Variants in CTNNA2 observed in about 807,000 individuals in gnomAD.
CTNNA2 encodes catenin alpha 2, also known as catenin alpha-2.
Under a neutral mutation model 101.0 loss-of-function variants are expected in CTNNA2, and 42 were observed. That is an observed-to-expected ratio of 0.42 (90% CI 0.32 to 0.54). The LOEUF (loss-of-function observed/expected upper bound fraction) is 0.54, where lower values mean the gene tolerates loss of function less well. CTNNA2 is among the 20% of genes least tolerant of loss of function. The pLI is 0.14. For synonymous variants in CTNNA2, 450 were observed against 456.4 expected, an observed-to-expected ratio of 0.99 and a Z score of 0.18; for missense variants, 871 against 1,223.1, an observed-to-expected ratio of 0.71 and a Z score of 4.29.
intron 4 of CTNNA2, among the ~76,000 whole-genome samples, chr2:79,387,376 G>C (rs188532363): frequency 3.9e-5 from 6 of 152,084 alleles, no homozygotes; most frequent in Non-Finnish European, 8.8e-5. Flanking sequence ...AGATTAGCTC[G>C]TCAGGGAATC....
At chr2:79,760,024 A>G (rs1485313307) in intron 3 of CTNNA2, among the ~76,000 whole-genome samples, 7 of 152,194 alleles carry the variant, frequency 4.6e-5, no homozygotes, top group Admixed American at 4.6e-4. Context: ...TTAAGAGTAC[A>G]GTTTACGGAA....
At chr2:80,431,096 T>C (rs1407550345) in intron 9 of CTNNA2, among the ~76,000 whole-genome samples, 6 of 152,274 alleles carry the variant, frequency 3.9e-5, no homozygotes, top group Non-Finnish European at 7.4e-5. Context: ...CTCTGAGGGA[T>C]TTTTAATGTC....
chr2:80,596,912 A>G (rs1261640546), intron 15 of CTNNA2, among the ~76,000 whole-genome samples: 1 of 152,136 alleles, frequency 6.6e-6, no homozygotes, highest in Non-Finnish European at 1.5e-5. Context: ...AGAGTTTTCA[A>G]CATGAAGTGA....
At chr2:79,404,635 C>T (rs369817980) in intron 4 of CTNNA2, among the ~76,000 whole-genome samples, 63 of 152,118 alleles carry the variant, frequency 4.1e-4, no homozygotes, top group African/African-American at 1.5e-3. Flanking sequence ...TCCAAAAATT[C>T]CTCCACATTC....
intron 1 of CTNNA2, among the ~76,000 whole-genome samples, chr2:79,597,155 C>G (rs768376818): frequency 7.2e-5 from 11 of 152,114 alleles, no homozygotes; most frequent in African/African-American, 1.2e-4. Context: ...GAAACATTCT[C>G]TGTTTGTTTT....
At chr2:79,911,089 C>T (rs1685764142) in intron 7 of CTNNA2, among the ~76,000 whole-genome samples, 1 of 152,076 alleles carries the variant, frequency 6.6e-6, no homozygotes, top group Non-Finnish European at 1.5e-5. Context: ...TCTATAGGAC[C>T]CTGGATGACC....
intron 2 of CTNNA2, among the ~76,000 whole-genome samples, chr2:79,232,557 T>A (rs1421615878): frequency 2.6e-5 from 4 of 152,230 alleles, no homozygotes; most frequent in Non-Finnish European, 5.9e-5. Flanking sequence ...CTTTACAGAA[T>A]GAATTAGGGA....
chr2:79,440,240 T>C (rs567015763), intron 4 of CTNNA2, among the ~76,000 whole-genome samples: 5 of 152,178 alleles, frequency 3.3e-5, no homozygotes, highest in East Asian at 3.9e-4. Context: ...TATCCACTTA[T>C]GATTTGCTAG....
At chr2:80,336,573 A>G (rs1022540400) in intron 7 of CTNNA2, among the ~76,000 whole-genome samples, 9 of 152,230 alleles carry the variant, frequency 5.9e-5, no homozygotes, top group African/African-American at 1.9e-4. Flanking sequence ...TTTATACACA[A>G]TGAATGAGTT....
chr2:80,327,304 C>A (rs1470052455), intron 7 of CTNNA2, among the ~76,000 whole-genome samples: 1 of 152,220 alleles, frequency 6.6e-6, no homozygotes, highest in Admixed American at 6.5e-5. Flanking sequence ...TTGCTTGCAT[C>A]AGGAAGGCCT....
intron 7 of CTNNA2, among the ~76,000 whole-genome samples, chr2:79,991,756 G>T (rs1013372654): frequency 1.8e-4 from 27 of 152,152 alleles, no homozygotes; most frequent in Non-Finnish European, 2.6e-4. Flanking sequence ...ATCCACTTTG[G>T]CTCCAAAATG....
chr2:80,339,816 T>C (rs1672075799), intron 7 of CTNNA2, among the ~76,000 whole-genome samples: 1 of 152,236 alleles, frequency 6.6e-6, no homozygotes. Flanking sequence ...CAGATGACTT[T>C]GAGCTAGGGG....
intron 17 of CTNNA2, among the ~76,000 whole-genome samples, chr2:80,617,694 G>A (rs934833662): frequency 7.9e-5 from 12 of 151,826 alleles, no homozygotes; most frequent in Non-Finnish European, 1.6e-4. Context: ...AGTAGCTTCT[G>A]TGTTTCAAAC....
intron 7 of CTNNA2, among the ~76,000 whole-genome samples, chr2:80,149,833 A>C (rs1209966400): frequency 6.6e-6 from 1 of 151,390 alleles, no homozygotes; most frequent in Non-Finnish European, 1.5e-5. Flanking sequence ...TCACTTTCTG[A>C]AAGTTTATTA....
intron 4 of CTNNA2, among the ~76,000 whole-genome samples, chr2:79,376,468 GT>G (rs1448954764): frequency 8.8e-5 from 13 of 148,088 alleles, no homozygotes; most frequent in Admixed American, 1.3e-4. Flanking sequence ...TTTTGTTTTT[GT>G]TTTTTTGAAA....
At chr2:79,936,300 T>C (rs1270728737) in intron 7 of CTNNA2, among the ~76,000 whole-genome samples, 3 of 152,106 alleles carry the variant, frequency 2.0e-5, no homozygotes, top group Non-Finnish European at 4.4e-5. Context: ...GTGAATGCTT[T>C]TGAATGCCTT....
chr2:79,360,183 G>A (rs1025437924), intron 3 of CTNNA2, among the ~76,000 whole-genome samples: 13 of 152,174 alleles, frequency 8.5e-5, no homozygotes, highest in African/African-American at 3.1e-4. Context: ...AACTTTCCTC[G>A]CCCTCAGAAT....
intron 4 of CTNNA2, among the ~76,000 whole-genome samples, chr2:79,377,933 C>A (rs6547233): frequency 2.6e-5 from 4 of 151,824 alleles, no homozygotes; most frequent in Non-Finnish European, 4.4e-5. Context: ...CTTTAAACTG[C>A]GGCAGGCTAA....
At chr2:80,356,724 G>C (rs11892103) in intron 7 of CTNNA2, among the ~76,000 whole-genome samples, 4,747 of 152,190 alleles carry the variant, frequency 0.031, 143 homozygotes, top group African/African-American at 0.073. Flanking sequence ...TCACCATCCA[G>C]GGAACCTCCA....
Sources: gnomAD v4.1 joint callset for allele counts (sites outside exome capture counted in the v4.1 genomes callset) on GRCh38, gnomAD v4.1.1 for gene constraint, MANE v1.5 for transcripts, NCBI Gene and HGNC (gene_info 2026-07-23, HGNC 2026-07-21) for gene names.